USP1: variants seen among roughly 807,000 people sequenced by gnomAD.
The protein encoded by USP1 is ubiquitin specific peptidase 1, also known as ubiquitin carboxyl-terminal hydrolase 1.
In USP1, 18 loss-of-function variants were observed where a neutral mutation model predicts 72.2. That is an observed-to-expected ratio of 0.25 (90% CI 0.17 to 0.37). USP1 has a LOEUF of 0.37. Among genes scored for constraint, USP1 ranks in the 10% least tolerant of loss-of-function variants. The pLI, the probability that USP1 is intolerant of heterozygous loss-of-function variation, is 1.00. For synonymous variants in USP1, 354 were observed against 303.7 expected, an observed-to-expected ratio of 1.17 and a Z score of -1.72; for missense variants, 759 against 884.9, an observed-to-expected ratio of 0.86 and a Z score of 1.81.
Position 62,448,489 on chromosome 1 carries a change from TGAA to T in USP1, c.1448_1450del (p.Lys483del). 6.2e-7 allele frequency: 1 copy of T among 1,613,904 alleles called. No individual in the cohort carries two copies. Among genetic ancestry groups the T allele is most frequent in the Middle Eastern group, 1.7e-4 (1 of 6,050 alleles). Reference sequence around the variant, plus strand: ...GTTTCTCCAGAGCCAAAAACAGAAATGAAGACCCTGAGATGGGCAATTTCACAA... The same window carrying T: ...GTTTCTCCAGAGCCAAAAACAGAAATGACCCTGAGATGGGCAATTTCACAA... On this transcript the variant is annotated inframe_deletion, in exon 8 of 9. Transcript: ENST00000339950.
chr1:62,448,248 GTCTA>G (rs1268654644), intron 7 of USP1, among the ~76,000 whole-genome samples: 4 of 152,288 alleles, frequency 2.6e-5, no homozygotes, highest in Non-Finnish European at 4.4e-5. Flanking sequence ...TGTTTTTGCT[GTCTA>G]TCATATTTTT....
In USP1 at chr1:62,447,394, G is replaced by C; in HGVS notation, c.1303G>C (p.Val435Leu). 1 of 1,614,022 alleles carries C rather than the reference G, an allele frequency of 6.2e-7. No homozygotes were observed. Among genetic ancestry groups the C allele is most frequent in the Non-Finnish European group, 8.5e-7 (1 of 1,179,990 alleles). Residue 435 changes from valine to leucine, a missense_variant, in exon 7 of 9, where the codon GTA becomes CTA. By Grantham distance (32) the Val-to-Leu change is conservative. This residue lies in a region of USP1 where 140 missense variants were observed against 222.8 expected (regional missense o/e 0.63). Coordinates refer to ENST00000339950, the MANE Select transcript of USP1 (RefSeq NM_003368.5). ...GGAGAAATTATTTCAAGGTCAGCTG[G>C]TATTAAGGACGCGTTGCTTGGAATG... ...LVEKLFQGQL[V>L]LRTRCLECES...
intron 1 of USP1, 125 bp downstream of exon 1, chr1:62,437,525 G>A (rs1351393535): frequency 4.8e-6 from 1 of 209,044 alleles, no homozygotes; most frequent in East Asian, 9.4e-5. Flanking sequence ...GACCTGCCAG[G>A]GGGAGCCGTG....
Position 62,448,454 on chromosome 1 carries a change from C to T in USP1, c.1421-11C>T, listed in dbSNP as rs374723959. ...AGAGAAGTATTTGAGTGAAAGGATTCTCTTTTTTAGTTTCTCCAGAGCCAA... is the reference window on the plus strand; with the variant it reads ...AGAGAAGTATTTGAGTGAAAGGATTTTCTTTTTTAGTTTCTCCAGAGCCAA... On this transcript the variant is annotated splice_polypyrimidine_tract_variant and intron_variant, in intron 7 of 8. Coordinates refer to ENST00000339950, the MANE Select transcript of USP1 (RefSeq NM_003368.5). The T allele has an allele frequency of 6.2e-7, 1 of 1,611,258 alleles. No individual in the cohort carries two copies. Among genetic ancestry groups the T allele is most frequent in the African/African-American group, 1.3e-5 (1 of 74,764 alleles).
In USP1 at chr1:62,448,461, T is replaced by G. The variant is rs772401382; in HGVS notation, c.1421-4T>G. On this transcript the variant is annotated splice_polypyrimidine_tract_variant and splice_region_variant and intron_variant, in intron 7 of 8. Coordinates refer to ENST00000339950, the MANE Select transcript of USP1 (RefSeq NM_003368.5). ...TATTTGAGTGAAAGGATTCTCTTTT[T>G]TAGTTTCTCCAGAGCCAAAAACAGA... 5.3e-5 allele frequency: 86 copies of G among 1,612,564 alleles called. No individual in the cohort carries two copies. The highest frequency in any genetic ancestry group is 6.8e-5 in the Non-Finnish European group (80 of 1,179,362).
At chr1:62,442,819 A>T (rs981079310) in intron 4 of USP1, among the ~76,000 whole-genome samples, 1 of 152,050 alleles carries the variant, frequency 6.6e-6, no homozygotes, top group Non-Finnish European at 1.5e-5. Context: ...CCTGGGTAAC[A>T]TGGCAAGACC....
intron 5 of USP1, 123 bp downstream of exon 5, chr1:62,443,442 C>T: frequency 1.0e-6 from 1 of 985,312 alleles, no homozygotes; most frequent in South Asian, 2.7e-5. Context: ...GGTCCACAGT[C>T]CTTTATATCC....
At position 62,445,479 on chromosome 1, in the gene USP1, A is replaced by G. The variant is rs1359877445; in HGVS notation, c.1249+50A>G. ...TAGGTAGAAGCATTAGCAGCTACAG[A>G]ATTAGAATTTTCTCTTCCTAGATAC... is the stretch of plus-strand genomic sequence containing the variant. On this transcript the variant is annotated intron_variant, in intron 6 of 8. Transcript: ENST00000339950. The G allele has an allele frequency of 3.5e-6, 5 of 1,438,712 alleles. No homozygotes were observed. The Admixed American group carries it at 1.4e-4, about 40-fold the overall frequency. 89.1% of individuals were successfully genotyped at this position (1,438,712 alleles called of 1,614,324 possible). A position where few individuals can be genotyped will look rare whatever the true frequency, so the allele number is the denominator to read the frequency against.
At position 62,445,323 on chromosome 1, in the gene USP1, C is replaced by G; in HGVS notation, c.1143C>G (p.Asp381Glu). The G allele has an allele frequency of 1.2e-6, 2 of 1,613,500 alleles. No individual in the cohort carries two copies. The highest frequency in any genetic ancestry group is 2.2e-5 in the South Asian group (2 of 90,836). ...SKENECDPEE[D>E]LGKCESDNTT... The stretch of plus-strand genomic sequence containing the variant: ...AAAATGAATGTGATCCTGAAGAGGA[C>G]TTGGGGAAGTGTGAAAGTGATAACA... Residue 381 changes from aspartate to glutamate, a missense_variant, in exon 6 of 9, where the codon GAC (aspartate) becomes GAG (glutamate). Around this residue, in one of 9 missense-constraint regions of USP1, gnomAD observed 245 missense variants for 240.7 expected, o/e 1.02. Coordinates refer to ENST00000339950, the MANE Select transcript of USP1 (RefSeq NM_003368.5).
chr1:62,445,931 A>G (rs956037168), intron 6 of USP1, among the ~76,000 whole-genome samples: 2 of 152,108 alleles, frequency 1.3e-5, no homozygotes, highest in Non-Finnish European at 2.9e-5. Context: ...GTGAGCCAAT[A>G]TTATGCCACT....
intron 8 of USP1, among the ~76,000 whole-genome samples, chr1:62,449,691 G>A (rs931922248): frequency 2.0e-5 from 3 of 152,092 alleles, no homozygotes; most frequent in African/African-American, 4.8e-5. Context: ...TGAGATGGAT[G>A]GCTTGCACCC....
In USP1 at chr1:62,451,706, G is replaced by C. The variant is rs1645223556; in HGVS notation, c.*725G>C. 1 of 152,444 alleles carries C rather than the reference G, an allele frequency of 6.6e-6. No individual in the cohort carries two copies. The highest frequency in any genetic ancestry group is 1.5e-5 in the Non-Finnish European group (1 of 68,014). The allele number at this position is 152,444 out of a possible 1,614,324, so 9.4% of individuals were successfully genotyped here. ...TAAATTTAACTTTTTTTAAAAACTGGGAGGTCAATAAAATTTAAACTGCTT... is the reference window on the plus strand; with the variant it reads ...TAAATTTAACTTTTTTTAAAAACTGCGAGGTCAATAAAATTTAAACTGCTT... On this transcript the variant is annotated 3_prime_UTR_variant, in exon 9 of 9. Transcript: ENST00000339950.
Position 62,439,912 on chromosome 1 carries a change from T to C in USP1, c.45T>C (p.Gly15=). The part of the protein sequence containing the change: ...IPSESNGLSR[G]SPSKKNRLSL... ...GTGAAAGTAATGGACTTTCAAGAGG[T>C]AGCCCTTCAAAGAAAAACAGACTTT... The change falls in exon 2 of 9, where the codon GGT becomes GGC. Residue 15 remains glycine (G), a synonymous_variant. Coordinates refer to ENST00000339950, the MANE Select transcript of USP1 (RefSeq NM_003368.5). 1 of 1,560,502 alleles carries C rather than the reference T, an allele frequency of 6.4e-7. No individual in the cohort carries two copies. The highest frequency in any genetic ancestry group is 1.2e-5 in the South Asian group (1 of 80,962).
rs141525571 is a variant in USP1, at chr1:62,445,973, C to T, written c.1249+544C>T. Among the ~76,000 whole-genome samples the T allele has an allele frequency of 6.4e-4, 97 of 151,782 alleles. 2 individuals are homozygous for T. The East Asian group carries it at 0.017, about 27-fold the overall frequency. Reference sequence around the variant, plus strand: ...CAGCCTGGGGCGACAGAGCAAGACTCCGTCTCAAAAAAAAACAAATAATAA... The same window carrying T: ...CAGCCTGGGGCGACAGAGCAAGACTTCGTCTCAAAAAAAAACAAATAATAA... On this transcript the variant is annotated intron_variant, in intron 6 of 8. Coordinates refer to ENST00000339950, the MANE Select transcript of USP1 (RefSeq NM_003368.5).
In USP1 at chr1:62,437,102, A is replaced by C. The variant is rs1019449053; in HGVS notation, c.-368A>C. On this transcript the variant is annotated 5_prime_UTR_variant, in exon 1 of 9. Coordinates refer to ENST00000339950, the MANE Select transcript of USP1 (RefSeq NM_003368.5). ...GGAGTGCTAAAGACCCTAGCGGTTC[A>C]GGCGTTCGGCGAGCGGGGCCGCTGC... is the stretch of plus-strand genomic sequence containing the variant. 2.5e-6 allele frequency: 1 copy of C among 398,912 alleles called. No individual in the cohort carries two copies. Among genetic ancestry groups the C allele is most frequent in the Non-Finnish European group, 4.4e-6 (1 of 226,068 alleles). The allele number at this position is 398,912 out of a possible 1,614,324, so 24.7% of individuals were successfully genotyped here. A position where few individuals can be genotyped will look rare whatever the true frequency, so the allele number is the denominator to read the frequency against.
At position 62,439,913 on chromosome 1, in the gene USP1, A is replaced by T. The variant is rs1645120854; in HGVS notation, c.46A>T (p.Ser16Cys). ...PSESNGLSRGSPSKKNRLSLK... is the reference protein window; with the variant it reads ...PSESNGLSRGCPSKKNRLSLK... ...TGAAAGTAATGGACTTTCAAGAGGT[A>T]GCCCTTCAAAGAAAAACAGACTTTC... The change falls in exon 2 of 9, where the codon AGC becomes TGC. Residue 16 changes from serine (S) to cysteine (C), a missense_variant. Ser to Cys is a moderately radical substitution (Grantham distance 112). Coordinates refer to ENST00000339950, the MANE Select transcript of USP1 (RefSeq NM_003368.5). 4.5e-6 allele frequency: 7 copies of T among 1,561,780 alleles called. No individual in the cohort carries two copies. Among genetic ancestry groups the T allele is most frequent in the Non-Finnish European group, 6.0e-6 (7 of 1,159,704 alleles).
intron 8 of USP1, among the ~76,000 whole-genome samples, 175 bp from the exon 9 acceptor site, chr1:62,450,071 G>A (rs1053070994): frequency 7.9e-5 from 12 of 151,804 alleles, no homozygotes; most frequent in African/African-American, 2.4e-4. Context: ...TTTTGTTTCT[G>A]CATATATTAT....
intron 1 of USP1, among the ~76,000 whole-genome samples, chr1:62,437,674 C>G (rs1050438446): frequency 1.3e-5 from 2 of 152,226 alleles, no homozygotes; most frequent in African/African-American, 4.8e-5. Flanking sequence ...CCAGCCTCCC[C>G]CGACCGGGCA....
chr1:62,440,392 G>A (rs559733778), intron 2 of USP1, among the ~76,000 whole-genome samples: 13 of 146,206 alleles, frequency 8.9e-5, no homozygotes, highest in African/African-American at 3.3e-4. Context: ...TATTTGTTTG[G>A]TTCAGAAGAC....
Sources: allele counts gnomAD v4.1 joint callset (sites outside exome capture counted in the v4.1 genomes callset), GRCh38; gene constraint gnomAD v4.1.1; regional missense constraint gnomAD v4.1.1; transcripts MANE v1.5; gene names NCBI Gene and HGNC (gene_info 2026-07-23, HGNC 2026-07-21).